The following SUFU variants were observed in gnomAD, a reference collection of about 807,000 sequenced individuals.
The protein encoded by SUFU is SUFU negative regulator of hedgehog signaling.
Under a neutral mutation model 58.9 loss-of-function variants are expected in SUFU, and 7 were observed. That is an observed-to-expected ratio of 0.12 (90% CI 0.07 to 0.22). The LOEUF is 0.22. Among genes scored for constraint, SUFU ranks in the 10% least tolerant of loss-of-function variants. The pLI, the probability that SUFU is intolerant of heterozygous loss-of-function variation, is 1.00. For missense variants in SUFU, 451 were observed against 641.3 expected (o/e 0.70, Z 3.20); for synonymous variants, 232 against 254.8 (o/e 0.91, Z 0.85).
intron 3 of SUFU, chr10:102,579,972 C>A: frequency 1.9e-6 from 1 of 534,992 alleles, no homozygotes; most frequent in Non-Finnish European, 2.4e-6. Context: ...TACCTTCTAG[C>A]CCCAAGAGCT....
intron 10 of SUFU, chr10:102,618,536 G>T (rs1392049122): frequency 6.5e-6 from 1 of 153,176 alleles, no homozygotes; most frequent in Non-Finnish European, 1.5e-5. Flanking sequence ...AGATAGAAAT[G>T]GAAGCTAGTG....
At position 102,592,594 on chromosome 10, in the gene SUFU, G is replaced by T; in HGVS notation, c.467G>T (p.Cys156Phe). 1 of 1,614,168 alleles carries T rather than the reference G, an allele frequency of 6.2e-7. No individual in the cohort carries two copies. Among genetic ancestry groups the T allele is most frequent in the Non-Finnish European group, 8.5e-7 (1 of 1,180,030 alleles). The change falls in exon 4 of 12, where the codon TGC becomes TTC. Residue 156 changes from cysteine to phenylalanine, a missense_variant. Cys to Phe is a radical substitution (Grantham distance 205, BLOSUM62 -2). Coordinates refer to ENST00000369902, the MANE Select transcript of SUFU (RefSeq NM_016169.4). ...ATCTCTCCCACAGAGAACACCTTCT[G>T]CAGTGGGGACCATGTGTCCTGGCAC... ...RYVFQSENTF[C>F]SGDHVSWHSP...
At chr10:102,519,552 G>T (rs1169907775) in intron 2 of SUFU, among the ~76,000 whole-genome samples, 1 of 143,946 alleles carries the variant, frequency 6.9e-6, no homozygotes, top group Non-Finnish European at 1.5e-5. Flanking sequence ...AAAGTCTTCT[G>T]CAACCTTATC....
intron 2 of SUFU, among the ~76,000 whole-genome samples, chr10:102,545,975 C>T (rs1273814735): frequency 6.6e-6 from 1 of 152,096 alleles, no homozygotes; most frequent in Non-Finnish European, 1.5e-5. Context: ...CTCGGTCTCA[C>T]ATATAAATAA....
intron 11 of SUFU, 72 bp downstream of exon 11, chr10:102,627,315 CT>C: frequency 1.5e-6 from 2 of 1,331,816 alleles, no homozygotes; most frequent in Non-Finnish European, 2.2e-6. Context: ...GTGTGCACGT[CT>C]GTGCATGCAT....
intron 1 of SUFU, among the ~76,000 whole-genome samples, chr10:102,506,399 G>A (rs2062327550): frequency 6.6e-6 from 1 of 151,488 alleles, no homozygotes; most frequent in East Asian, 1.9e-4. Flanking sequence ...TTTTTTTTGA[G>A]ACAGAGTTTT....
chr10:102,504,027 C>T lies in SUFU; in HGVS notation c.-126C>T, dbSNP rs1279453526. ...CAGTGCGCCGTGCGCAGGCGCGGAG[C>T]TAGACCTCGCTGCAGCCCCCATCGC... On this transcript the variant is annotated 5_prime_UTR_variant, in exon 1 of 12. Transcript: ENST00000369902. The T allele has an allele frequency of 9.9e-6, 13 of 1,318,692 alleles. No homozygotes were observed. Among genetic ancestry groups the T allele is most frequent in the Non-Finnish European group, 1.1e-5 (11 of 999,774 alleles). 81.7% of individuals were successfully genotyped at this position (1,318,692 alleles called of 1,614,324 possible). A position where few individuals can be genotyped will look rare whatever the true frequency, so the allele number is the denominator to read the frequency against.
chr10:102,568,943 T>TACACAC lies in SUFU; in HGVS notation c.454+18838_454+18839insCACACA, dbSNP rs1564685826. Among the ~76,000 whole-genome samples, 13 of 78,946 alleles carry TACACAC rather than the reference T, an allele frequency of 1.6e-4. 1 individual carries two copies. Among genetic ancestry groups the TACACAC allele is most frequent in the East Asian group, 5.8e-4 (1 of 1,718 alleles). The allele number at this position is 78,946 out of a possible 152,430, so 51.8% of individuals were successfully genotyped here. ...ATACACATATATATATATATATATA[T>TACACAC]ATATATATATATATATATATCTATA... On this transcript the variant is annotated intron_variant, in intron 3 of 11. Coordinates refer to ENST00000369902, the MANE Select transcript of SUFU (RefSeq NM_016169.4).
intron 3 of SUFU, among the ~76,000 whole-genome samples, chr10:102,558,576 C>T (rs1253573921): frequency 6.6e-6 from 1 of 152,172 alleles, no homozygotes; most frequent in African/African-American, 2.4e-5. Context: ...TTCTGTCTGG[C>T]CATGTGACCA....
intron 8 of SUFU, among the ~76,000 whole-genome samples, chr10:102,602,025 C>T (rs889683741): frequency 3.3e-5 from 5 of 152,194 alleles, no homozygotes; most frequent in African/African-American, 7.2e-5. Context: ...CAATAGCAGC[C>T]GGGTGCCGGC....
At chr10:102,505,934 G>T (rs991961173) in intron 1 of SUFU, among the ~76,000 whole-genome samples, 1 of 151,578 alleles carries the variant, frequency 6.6e-6, no homozygotes, top group African/African-American at 2.4e-5. Context: ...GGGCACAGTG[G>T]CTCATGCATG....
chr10:102,611,929 G>T (rs1186983963), intron 8 of SUFU, among the ~76,000 whole-genome samples: 1 of 152,112 alleles, frequency 6.6e-6, no homozygotes, highest in East Asian at 1.9e-4. Flanking sequence ...CTCCCTTCCA[G>T]CCCCCAAAGC....
At chr10:102,594,182 G>A in intron 6 of SUFU, 117 bp downstream of exon 6, 1 of 1,017,818 alleles carries the variant, frequency 9.8e-7, no homozygotes, top group Non-Finnish European at 1.5e-6. Flanking sequence ...GTAGAAATAT[G>A]GCATCACTTG....
intron 3 of SUFU, among the ~76,000 whole-genome samples, chr10:102,558,414 G>T (rs888654199): frequency 1.3e-5 from 2 of 152,068 alleles, no homozygotes; most frequent in African/African-American, 4.8e-5. Flanking sequence ...TCTCGCTGTT[G>T]CCCAGGTTTT....
At chr10:102,622,341 C>A (rs1177160001) in intron 10 of SUFU, among the ~76,000 whole-genome samples, 1 of 152,196 alleles carries the variant, frequency 6.6e-6, no homozygotes, top group Non-Finnish European at 1.5e-5. Flanking sequence ...TGCGGTGGCT[C>A]ACGCCTGTAA....
chr10:102,503,991 G>T lies in SUFU; in HGVS notation c.-162G>T, dbSNP rs1433264163. 4.7e-6 allele frequency: 5 copies of T among 1,068,022 alleles called. No individual in the cohort carries two copies. The highest frequency in any genetic ancestry group is 3.1e-5 in the East Asian group (1 of 31,814). The allele number at this position is 1,068,022 out of a possible 1,614,324, so 66.2% of individuals were successfully genotyped here. A position where few individuals can be genotyped will look rare whatever the true frequency, so the allele number is the denominator to read the frequency against. Reference sequence around the variant, plus strand: ...TCTGGCAGACTCGGCGGCGGCGACAGCCTGGGCGGACAGTGCGCCGTGCGC... The same window carrying T: ...TCTGGCAGACTCGGCGGCGGCGACATCCTGGGCGGACAGTGCGCCGTGCGC... On this transcript the variant is annotated 5_prime_UTR_variant, in exon 1 of 12. Transcript: ENST00000369902.
At chr10:102,573,094 A>C in intron 3 of SUFU, 1 of 777,552 alleles carries the variant, frequency 1.3e-6, no homozygotes, top group Non-Finnish European at 2.3e-6. Flanking sequence ...GCTGGAAGGT[A>C]GGTGACGTGC....
At chr10:102,520,481 A>C (rs10219057) in intron 2 of SUFU, among the ~76,000 whole-genome samples, 46,619 of 151,698 alleles carry the variant, frequency 0.31, 7,434 homozygotes, top group Admixed American at 0.36. Context: ...CGGCCTCCCA[A>C]AGTGCTGGGA....
intron 10 of SUFU, among the ~76,000 whole-genome samples, chr10:102,620,653 G>A (rs145093922): frequency 1.3e-5 from 2 of 152,252 alleles, no homozygotes; most frequent in Non-Finnish European, 2.9e-5. Context: ...CCAATTCCGG[G>A]GCTGTGCAGG....
Sources: allele counts gnomAD v4.1 joint callset (sites outside exome capture counted in the v4.1 genomes callset), GRCh38; gene constraint gnomAD v4.1.1; transcripts MANE v1.5; gene names NCBI Gene and HGNC (gene_info 2026-07-23, HGNC 2026-07-21).